The following GABRB3 variants were observed in gnomAD, a reference collection of about 807,000 sequenced individuals.
GABRB3 encodes gamma-aminobutyric acid receptor subunit beta-3.
A neutral mutation model predicts 52.1 loss-of-function variants in GABRB3; 14 were observed. The ratio of observed to expected loss-of-function variants is 0.27; its 90% CI spans 0.18 to 0.42. The LOEUF (loss-of-function observed/expected upper bound fraction) is 0.42, where lower values mean the gene tolerates loss of function less well. Ranked by LOEUF, GABRB3 falls within the 10% of genes least tolerant of loss-of-function variation. The pLI is 1.00. For synonymous variants in GABRB3, 260 were observed against 232.3 expected, an observed-to-expected ratio of 1.12 and a Z score of -1.08; for missense variants, 307 against 609.1, an observed-to-expected ratio of 0.50 and a Z score of 5.22.
At chr15:26,593,057 G>A (rs573284901) in intron 4 of GABRB3, among the ~76,000 whole-genome samples, 1 of 152,102 alleles carries the variant, frequency 6.6e-6, no homozygotes, top group East Asian at 1.9e-4. Context: ...GAATTGGGTG[G>A]GTCTTTCATT....
chr15:26,599,610 C>T (rs1891515357), intron 4 of GABRB3, among the ~76,000 whole-genome samples: 1 of 152,200 alleles, frequency 6.6e-6, no homozygotes, highest in African/African-American at 2.4e-5. Flanking sequence ...AGGCAGAGAC[C>T]CATCAACCAC....
chr15:26,687,396 T>C (rs1290640916), intron 3 of GABRB3, among the ~76,000 whole-genome samples: 1 of 152,164 alleles, frequency 6.6e-6, no homozygotes, highest in African/African-American at 2.4e-5. Flanking sequence ...ACTGCCTAGA[T>C]ACAAAAGAGG....
chr15:26,717,890 T>C (rs1889538868), intron 3 of GABRB3, among the ~76,000 whole-genome samples: 1 of 152,214 alleles, frequency 6.6e-6, no homozygotes, highest in African/African-American at 2.4e-5. Flanking sequence ...TAGAGATCCC[T>C]TGATCCTTGT....
At chr15:26,730,216 T>C (rs999497593) in intron 3 of GABRB3, among the ~76,000 whole-genome samples, 1 of 152,136 alleles carries the variant, frequency 6.6e-6, no homozygotes, top group African/African-American at 2.4e-5. Context: ...CCTGAAGCCC[T>C]GTTGCCCCTG....
intron 8 of GABRB3, among the ~76,000 whole-genome samples, chr15:26,554,207 A>ATATATATATATTTTTTTT (rs1348288306): frequency 1.7e-5 from 1 of 57,808 alleles, no homozygotes; most frequent in Non-Finnish European, 4.1e-5. Context: ...ATATATATAT[A>ATATATATATATTTTTTTT]TAGTAGAAAC....
At chr15:26,578,738 C>G (rs1890682250) in intron 6 of GABRB3, among the ~76,000 whole-genome samples, 1 of 152,248 alleles carries the variant, frequency 6.6e-6, no homozygotes. Flanking sequence ...AGGATTACTC[C>G]ACAGTGAGTG....
intron 4 of GABRB3, chr15:26,612,771 G>A (rs1892118025): frequency 1.3e-5 from 2 of 152,206 alleles, no homozygotes; most frequent in South Asian, 4.1e-4. Flanking sequence ...TAAAGTTAAT[G>A]TGGAAGAATA....
chr15:26,709,579 G>A (rs1399635050), intron 3 of GABRB3, among the ~76,000 whole-genome samples: 14 of 133,732 alleles, frequency 1.0e-4, no homozygotes, highest in Non-Finnish European at 2.0e-4. Flanking sequence ...GTGCAGTGGC[G>A]CCATCTCAGC....
Position 26,681,169 on chromosome 15 carries a change from A to G in GABRB3, c.241-59635T>C, listed in dbSNP as rs546454922. ...AACCAACCAACCAGCGGCATTTCTA[A>G]TATTAGAAATGGATGCGATCATCCT... On this transcript the variant is annotated intron_variant, in intron 3 of 8. Coordinates refer to ENST00000311550, the MANE Select transcript of GABRB3 (RefSeq NM_000814.6). Among the ~76,000 whole-genome samples, 14 of 152,240 alleles carry G rather than the reference A, an allele frequency of 9.2e-5. 2 individuals carry two copies. In the South Asian group the frequency reaches 1.5e-3, roughly 16 times the overall value.
At chr15:26,626,852 T>A (rs1258853893) in intron 3 of GABRB3, among the ~76,000 whole-genome samples, 1 of 152,214 alleles carries the variant, frequency 6.6e-6, no homozygotes, top group East Asian at 1.9e-4. Flanking sequence ...ATCCAGAAGA[T>A]CCCGCTAAAA....
chr15:26,589,925 G>GAAACCAA (rs1891131920), intron 4 of GABRB3, among the ~76,000 whole-genome samples: 1 of 152,118 alleles, frequency 6.6e-6, no homozygotes, highest in Non-Finnish European at 1.5e-5. Context: ...GTCCTTCTTG[G>GAAACCAA]CTTTAATGTC....
chr15:26,686,980 G>C (rs995634770), intron 3 of GABRB3, among the ~76,000 whole-genome samples: 1 of 152,246 alleles, frequency 6.6e-6, no homozygotes, highest in Non-Finnish European at 1.5e-5. Context: ...AGATGACCAC[G>C]CAGCCACCCG....
chr15:26,713,322 C>T (rs956345821), intron 3 of GABRB3, among the ~76,000 whole-genome samples: 4 of 152,088 alleles, frequency 2.6e-5, no homozygotes, highest in African/African-American at 9.7e-5. Context: ...GGTGTGAGGC[C>T]GTCTGCTGAG....
intron 8 of GABRB3, among the ~76,000 whole-genome samples, chr15:26,548,470 C>A (rs1046645793): frequency 2.6e-5 from 4 of 152,164 alleles, no homozygotes; most frequent in African/African-American, 9.7e-5. Context: ...CTTAGGTGCT[C>A]TAACCATTTT....
chr15:26,760,790 A>AACAC (rs1221504374), intron 3 of GABRB3, among the ~76,000 whole-genome samples: 1 of 101,304 alleles, frequency 9.9e-6, no homozygotes, highest in African/African-American at 3.9e-5. Context: ...TCTAAATGCC[A>AACAC]ACACACACAC....
intron 3 of GABRB3, among the ~76,000 whole-genome samples, chr15:26,690,555 G>A (rs1306750639): frequency 6.6e-6 from 1 of 151,932 alleles, no homozygotes; most frequent in African/African-American, 2.4e-5. Context: ...ATGGACATTA[G>A]GACAAAACGT....
At chr15:26,699,656 T>C (rs986896279) in intron 3 of GABRB3, among the ~76,000 whole-genome samples, 1 of 152,038 alleles carries the variant, frequency 6.6e-6, no homozygotes, top group East Asian at 1.9e-4. Flanking sequence ...ATATTTGAGA[T>C]GAAAATACAC....
At chr15:26,572,159 C>T (rs1202977864) in intron 6 of GABRB3, among the ~76,000 whole-genome samples, 2 of 151,930 alleles carry the variant, frequency 1.3e-5, no homozygotes, top group Non-Finnish European at 2.9e-5. Context: ...GTAAGTGGGG[C>T]AAACAACGAA....
chr15:26,578,982 C>T (rs1263034520), intron 6 of GABRB3, among the ~76,000 whole-genome samples: 1 of 152,188 alleles, frequency 6.6e-6, no homozygotes, highest in African/African-American at 2.4e-5. Context: ...TCTGCAAGAC[C>T]TCTTGAGGTG....
Sources: allele counts gnomAD v4.1 joint callset (sites outside exome capture counted in the v4.1 genomes callset), GRCh38; gene constraint gnomAD v4.1.1; transcripts MANE v1.5; gene names NCBI Gene and HGNC (gene_info 2026-07-23, HGNC 2026-07-21).